DBF4B: variants seen among roughly 807,000 people sequenced by gnomAD.
DBF4B encodes DBF4B-CDC7 kinase regulatory subunit, also known as protein DBF4 homolog B.
Under a neutral mutation model 53.4 loss-of-function variants are expected in DBF4B, and 49 were observed. The observed-to-expected ratio is 0.92, with a 90% CI of 0.73 to 1.16. The LOEUF (loss-of-function observed/expected upper bound fraction) is 1.16, where lower values mean the gene tolerates loss of function less well. Ranked by LOEUF, DBF4B falls within the 50% of genes most tolerant of loss-of-function variation. The pLI is 0.00. For synonymous variants in DBF4B, 257 were observed against 288.7 expected (o/e 0.89, Z 1.11); for missense variants, 692 against 775.0 (o/e 0.89, Z 1.27).
chr17:44,747,005 C>A (rs2049112786), intron 10 of DBF4B, 78 bp from the exon 11 acceptor site: 4 of 1,364,876 alleles, frequency 2.9e-6, no homozygotes, highest in African/African-American at 2.9e-5. Flanking sequence ...CTGACCTAGG[C>A]TCCAGGCTCT....
At chr17:44,725,116 CAAA>C (rs57821218) in intron 3 of DBF4B, among the ~76,000 whole-genome samples, 1 of 47,598 alleles carries the variant, frequency 2.1e-5, no homozygotes, top group Admixed American at 2.2e-4. Context: ...GACTCCATCT[CAAA>C]AAAAAAAAAA....
rs939637200 is a variant in DBF4B at position 44,749,445 on chromosome 17, A to G, written c.1189+980A>G. ...CAGGACGCAGGAGGGGCAGAACCCC[A>G]GGACTTCCCCAAAAGAGCTAGAAGG... is the stretch of plus-strand genomic sequence containing the variant. On this transcript the variant is annotated intron_variant, in intron 13 of 13. Transcript: ENST00000315005. The surrounding 1 kb of genome is among the most constrained non-coding windows in gnomAD (Gnocchi z 4.4). 2 of 1,289,304 alleles carry G rather than the reference A, an allele frequency of 1.6e-6. No individual in the cohort carries two copies. Among genetic ancestry groups the G allele is most frequent in the African/African-American group, 3.0e-5 (2 of 65,984 alleles). 79.9% of individuals were successfully genotyped at this position (1,289,304 alleles called of 1,614,324 possible). A position where few individuals can be genotyped will look rare whatever the true frequency, so the allele number is the denominator to read the frequency against.
chr17:44,748,739 G>A (rs772084745), intron 13 of DBF4B: 5 of 1,362,846 alleles, frequency 3.7e-6, no homozygotes, highest in Non-Finnish European at 4.8e-6. Flanking sequence ...GCTAAGAAGA[G>A]AGTGGGGGCC....
chr17:44,708,864 A>G, intron 1 of DBF4B, 25 bp downstream of exon 1: 1 of 1,550,706 alleles, frequency 6.4e-7, no homozygotes, highest in Non-Finnish European at 8.7e-7. Flanking sequence ...AAGGGGAGAA[A>G]GAAAGGCGGA....
chr17:44,725,201 G>T (rs1974205498), intron 3 of DBF4B, among the ~76,000 whole-genome samples: 1 of 151,906 alleles, frequency 6.6e-6, no homozygotes, highest in South Asian at 2.1e-4. Flanking sequence ...AAGCTGGGAG[G>T]ATTATCTGAG....
chr17:44,717,440 C>T (rs554606987), intron 2 of DBF4B, among the ~76,000 whole-genome samples: 1 of 152,264 alleles, frequency 6.6e-6, no homozygotes, highest in African/African-American at 2.4e-5. Context: ...GGCGTGGTGG[C>T]TCACGCCTGT....
rs867366703 is a variant in DBF4B, at chr17:44,749,051, G to A, written c.1189+586G>A. 9 of 1,289,672 alleles carry A rather than the reference G, an allele frequency of 7.0e-6. No individual in the cohort carries two copies. Among genetic ancestry groups the A allele is most frequent in the Non-Finnish European group, 9.1e-6 (9 of 988,846 alleles). 79.9% of individuals were successfully genotyped at this position (1,289,672 alleles called of 1,614,324 possible). On this transcript the variant is annotated intron_variant, in intron 13 of 13. Coordinates refer to ENST00000315005, the MANE Select transcript of DBF4B (RefSeq NM_145663.3). The surrounding 1 kb of genome is among the most constrained non-coding windows in gnomAD (Gnocchi z 4.4). ...ACTGGCCCTGTATCCCAGGAGGCTG[G>A]CCAGCTCCTCAGCTGCCCCACAGCT...
rs779580758 is a variant in DBF4B, at chr17:44,732,235, T to C, written c.526T>C (p.Ser176Pro). ...CAGCAGCCTCCTGACCAATGCCCGC[T>C]CTTGGGGAGTGAGGATTCTGCACGT... ...GSSSLLTNARSWGVRILHVDE... is the reference protein window; with the variant it reads ...GSSSLLTNARPWGVRILHVDE... The change falls in exon 6 of 14, where the codon TCT becomes CCT. Residue 176 changes from serine (S) to proline (P), a missense_variant. This residue lies in a region of DBF4B where 597 missense variants were observed against 665.8 expected (regional missense o/e 0.90). Coordinates refer to ENST00000315005, the MANE Select transcript of DBF4B (RefSeq NM_145663.3). 2 of 1,614,108 alleles carry C rather than the reference T, an allele frequency of 1.2e-6. No homozygotes were observed. The highest frequency in any genetic ancestry group is 2.2e-5 in the East Asian group (1 of 44,878).
chr17:44,717,568 A>G (rs1055884443), intron 2 of DBF4B, among the ~76,000 whole-genome samples: 93 of 151,974 alleles, frequency 6.1e-4, no homozygotes, highest in African/African-American at 2.2e-3. Flanking sequence ...AATTAGCTGG[A>G]TGTAGTGGCA....
chr17:44,740,595 A>G (rs182585584), intron 9 of DBF4B, among the ~76,000 whole-genome samples: 95 of 152,288 alleles, frequency 6.2e-4, no homozygotes, highest in African/African-American at 2.2e-3. Context: ...ACATTCTTCC[A>G]TTTAGAATCT....
intron 12 of DBF4B, 106 bp from the exon 13 acceptor site, chr17:44,748,235 C>T (rs1249399074): frequency 1.0e-5 from 15 of 1,440,458 alleles, no homozygotes; most frequent in East Asian, 2.3e-5. Flanking sequence ...GCAGCTCTCT[C>T]GGCACATGAA....
intron 7 of DBF4B, among the ~76,000 whole-genome samples, chr17:44,735,671 A>C (rs1975336513): frequency 6.6e-6 from 1 of 152,226 alleles, no homozygotes; most frequent in African/African-American, 2.4e-5. Flanking sequence ...CTGTCTCAAA[A>C]AAAAGAAAAA....
chr17:44,734,649 C>G (rs912481709), intron 7 of DBF4B, among the ~76,000 whole-genome samples: 1 of 152,224 alleles, frequency 6.6e-6, no homozygotes, highest in African/African-American at 2.4e-5. Flanking sequence ...CAAGAGAGCC[C>G]AACCTGGTTT....
At chr17:44,732,384 A>G in intron 6 of DBF4B, 119 bp downstream of exon 6, 1 of 1,070,006 alleles carries the variant, frequency 9.3e-7, no homozygotes, top group Non-Finnish European at 1.4e-6. Context: ...AGAAATACTC[A>G]GCTGCCATGT....
chr17:44,710,903 T>C (rs1396877540), intron 2 of DBF4B, among the ~76,000 whole-genome samples: 4 of 152,036 alleles, frequency 2.6e-5, no homozygotes, highest in Non-Finnish European at 5.9e-5. Context: ...TTTATATTTG[T>C]TCTTAAAATT....
rs1365488556 is a variant in DBF4B, at chr17:44,741,426, G to A, written c.804G>A (p.Thr268=). ...ATGCAAGTCCCTTTGAGGCCCCGACGACCCTGGGCAGCATGCACCATACCA... is the reference window on the plus strand; with the variant it reads ...ATGCAAGTCCCTTTGAGGCCCCGACAACCCTGGGCAGCATGCACCATACCA... The part of the protein sequence containing the change: ...PKDASPFEAP[T]TLGSMHHTRE... Residue 268 remains threonine, a synonymous_variant, in exon 10 of 14, where the codon ACG becomes ACA. Transcript: ENST00000315005. The A allele has an allele frequency of 6.2e-6, 10 of 1,612,298 alleles. No homozygotes were observed. The highest frequency in any genetic ancestry group is 1.6e-4 in the Middle Eastern group (1 of 6,078).
chr17:44,736,511 T>G (rs542626709), intron 7 of DBF4B, among the ~76,000 whole-genome samples: 2 of 152,332 alleles, frequency 1.3e-5, no homozygotes, highest in East Asian at 1.9e-4. Flanking sequence ...CTCTTCACAT[T>G]GCAGGTGGCA....
At position 44,732,216 on chromosome 17, in the gene DBF4B, C is replaced by G. The variant is rs2144960877; in HGVS notation, c.507C>G (p.Ser169Arg). The G allele has an allele frequency of 1.9e-6, 3 of 1,614,112 alleles. No individual in the cohort carries two copies. Among genetic ancestry groups the G allele is most frequent in the East Asian group, 2.2e-5 (1 of 44,884 alleles). The change falls in exon 6 of 14, where the codon AGC becomes AGG. Residue 169 changes from serine to arginine, a missense_variant. Physicochemically the swap from Ser to Arg is moderately radical, Grantham distance 110. Transcript: ENST00000315005. The stretch of plus-strand genomic sequence containing the variant: ...GAGGAGGCAGTGGGGGCAGCAGCAG[C>G]CTCCTGACCAATGCCCGCTCTTGGG... ...ISGGGSGGSS[S>R]LLTNARSWGV...
At chr17:44,730,216 T>A in intron 4 of DBF4B, 120 bp downstream of exon 4, 1 of 1,119,512 alleles carries the variant, frequency 8.9e-7, no homozygotes, top group East Asian at 2.6e-5. Context: ...TCATTTGAAT[T>A]CAGGGACTGA....
Sources: gnomAD v4.1 joint callset for allele counts (sites outside exome capture counted in the v4.1 genomes callset) on GRCh38, gnomAD v4.1.1 for gene constraint, gnomAD v4.1.1 regional missense constraint, Gnocchi (gnomAD v3.1) non-coding constraint, MANE v1.5 for transcripts, NCBI Gene and HGNC (gene_info 2026-07-23, HGNC 2026-07-21) for gene names.